PPP2R2B: variants seen among roughly 807,000 people sequenced by gnomAD.
PPP2R2B encodes serine/threonine-protein phosphatase 2A 55 kDa regulatory subunit B beta isoform.
Under a neutral mutation model 46.0 loss-of-function variants are expected in PPP2R2B, and 5 were observed. The ratio of observed to expected loss-of-function variants is 0.11; its 90% CI spans 0.06 to 0.23. The LOEUF is 0.23. PPP2R2B is among the 10% of genes least tolerant of loss of function. The pLI, the probability that PPP2R2B is intolerant of heterozygous loss-of-function variation, is 1.00. For missense variants in PPP2R2B, 367 were observed against 575.0 expected (o/e 0.64, Z 3.70); for synonymous variants, 215 against 206.7 (o/e 1.04, Z -0.34).
intron 1 of PPP2R2B, among the ~76,000 whole-genome samples, chr5:146,929,320 T>C (rs1479028169): frequency 6.6e-6 from 1 of 152,218 alleles, no homozygotes; most frequent in East Asian, 1.9e-4. Context: ...GACATATCAT[T>C]TCACAGTTTC....
At chr5:146,656,508 T>G (rs1245296534) in intron 5 of PPP2R2B, 1 of 152,164 alleles carries the variant, frequency 6.6e-6, no homozygotes, top group East Asian at 1.9e-4. Context: ...GTTTCTGACC[T>G]GGGTAGGTTA....
At chr5:146,779,482 G>T (rs1561900383) in intron 2 of PPP2R2B, among the ~76,000 whole-genome samples, 3 of 152,174 alleles carry the variant, frequency 2.0e-5, no homozygotes, top group Admixed American at 6.5e-5. Context: ...CATATTAAAT[G>T]ACTGCCGGCC....
intron 1 of PPP2R2B, among the ~76,000 whole-genome samples, chr5:146,990,970 T>C (rs1753674541): frequency 6.6e-6 from 1 of 151,938 alleles, no homozygotes; most frequent in African/African-American, 2.4e-5. Context: ...TATGAAAAAA[T>C]CTTGAACATC....
At chr5:147,018,032 T>C (rs986608473) in intron 1 of PPP2R2B, among the ~76,000 whole-genome samples, 1 of 25,504 alleles carries the variant, frequency 3.9e-5, no homozygotes, top group Non-Finnish European at 8.4e-5. Context: ...GACACACACA[T>C]GCATGCGCGC....
intron 2 of PPP2R2B, among the ~76,000 whole-genome samples, chr5:146,812,761 GTTAC>G (rs1211467072): frequency 3.5e-4 from 16 of 45,118 alleles, no homozygotes; most frequent in African/African-American, 9.8e-4. Context: ...TATCACTAGA[GTTAC>G]TTAATGTGTG....
rs1770186881 is a variant in PPP2R2B at position 146,586,828 on chromosome 5, G to C, written c.*3119C>G. The C allele has an allele frequency of 6.6e-6, 1 of 151,998 alleles. No homozygotes were observed. The highest frequency in any genetic ancestry group is 2.4e-5 in the African/African-American group (1 of 41,410). The allele number at this position is 151,998 out of a possible 1,614,324, so 9.4% of individuals were successfully genotyped here. A position where few individuals can be genotyped will look rare whatever the true frequency, so the allele number is the denominator to read the frequency against. ...TTATATATCCCACTTCTTGATGCTG[G>C]CTAGTATCTTCCTTTTTTGTTTTTT... On this transcript the variant is annotated 3_prime_UTR_variant, in exon 10 of 10. Transcript: ENST00000394411.
chr5:146,673,780 A>G (rs2151125384), intron 5 of PPP2R2B, among the ~76,000 whole-genome samples: 1 of 152,334 alleles, frequency 6.6e-6, no homozygotes, highest in East Asian at 1.9e-4. Context: ...TGAGAACTTG[A>G]AAGTTTACTG....
At chr5:146,725,324 C>T (rs192033578) in intron 2 of PPP2R2B, among the ~76,000 whole-genome samples, 16 of 151,938 alleles carry the variant, frequency 1.1e-4, no homozygotes, top group East Asian at 1.9e-4. Flanking sequence ...AGTTTTATTG[C>T]GAAAATGGAA....
chr5:146,856,678 C>T (rs990053302), intron 2 of PPP2R2B: 2 of 825,616 alleles, frequency 2.4e-6, no homozygotes, highest in Non-Finnish European at 4.1e-6. Context: ...TTTCCACATA[C>T]CCCCTACCAT....
chr5:147,012,434 T>A (rs920138708), intron 1 of PPP2R2B, among the ~76,000 whole-genome samples: 19 of 152,284 alleles, frequency 1.2e-4, no homozygotes, highest in South Asian at 6.2e-4. Context: ...ATCCCCTTTA[T>A]CATTTTTTAT....
intron 5 of PPP2R2B, among the ~76,000 whole-genome samples, chr5:146,667,998 C>A (rs974867002): frequency 6.6e-6 from 1 of 152,182 alleles, no homozygotes; most frequent in Non-Finnish European, 1.5e-5. Flanking sequence ...ATCCCATATT[C>A]GTAATCACAT....
At chr5:146,746,642 C>A (rs1220497176) in intron 2 of PPP2R2B, among the ~76,000 whole-genome samples, 3 of 152,198 alleles carry the variant, frequency 2.0e-5, no homozygotes, top group African/African-American at 7.2e-5. Context: ...CTTCCTTGCG[C>A]TACCCCTGCT....
chr5:146,889,222 G>C (rs911032681), intron 1 of PPP2R2B, among the ~76,000 whole-genome samples: 4 of 152,182 alleles, frequency 2.6e-5, no homozygotes, highest in Admixed American at 6.5e-5. Context: ...CTTGCCTGAA[G>C]AGAGGCCTGG....
intron 6 of PPP2R2B, among the ~76,000 whole-genome samples, chr5:146,639,139 C>T (rs1775028986): frequency 6.6e-6 from 1 of 152,294 alleles, no homozygotes; most frequent in South Asian, 2.1e-4. Context: ...GATTTCATCC[C>T]AGGTGCAAAG....
chr5:146,817,026 T>C (rs1757968324), intron 2 of PPP2R2B, among the ~76,000 whole-genome samples: 1 of 152,232 alleles, frequency 6.6e-6, no homozygotes, highest in Non-Finnish European at 1.5e-5. Context: ...CCCTGGAGGC[T>C]TGTTGTGATG....
chr5:146,718,954 T>C (rs1315032961), intron 2 of PPP2R2B, among the ~76,000 whole-genome samples: 3 of 152,190 alleles, frequency 2.0e-5, no homozygotes, highest in African/African-American at 4.8e-5. Flanking sequence ...GTGAGTCACA[T>C]GAAATAATGG....
intron 1 of PPP2R2B, among the ~76,000 whole-genome samples, chr5:146,994,737 T>C (rs1197135114): frequency 2.0e-5 from 3 of 152,172 alleles, no homozygotes; most frequent in Non-Finnish European, 2.9e-5. Flanking sequence ...CAGTCAGGCA[T>C]GCATGTGAAT....
At chr5:146,907,494 C>T (rs1034836643) in intron 1 of PPP2R2B, among the ~76,000 whole-genome samples, 2 of 152,102 alleles carry the variant, frequency 1.3e-5, no homozygotes, top group Non-Finnish European at 2.9e-5. Context: ...TACAGAAGGG[C>T]AAAGTCTACA....
intron 2 of PPP2R2B, among the ~76,000 whole-genome samples, chr5:146,772,720 T>A (rs577747495): frequency 6.6e-6 from 1 of 152,282 alleles, no homozygotes; most frequent in East Asian, 1.9e-4. Flanking sequence ...CCTCAACTGG[T>A]GTCTTCATCT....
Sources: gnomAD v4.1 joint callset for allele counts (sites outside exome capture counted in the v4.1 genomes callset) on GRCh38, gnomAD v4.1.1 for gene constraint, MANE v1.5 for transcripts, NCBI Gene and HGNC (gene_info 2026-07-23, HGNC 2026-07-21) for gene names.